The following RAB33A variants were observed in gnomAD, a reference collection of about 807,000 sequenced individuals.
The protein encoded by RAB33A is RAB33A, member RAS oncogene family, also known as ras-related protein Rab-33A.
In RAB33A, 6 loss-of-function variants were observed where a neutral mutation model predicts 12.0. The ratio of observed to expected loss-of-function variants is 0.50; its 90% CI spans 0.27 to 0.99. The LOEUF is 0.99. Ranked by LOEUF, RAB33A falls within the 50% of genes least tolerant of loss-of-function variation. RAB33A has a pLI of 0.11. For synonymous variants in RAB33A, 70 were observed against 82.4 expected (o/e 0.85, Z 0.81); for missense variants, 109 against 192.0 (o/e 0.57, Z 2.55).
At chrX:130,133,373 C>A in the RAB33A span, 273 of 1,209,022 alleles carry the variant, frequency 2.3e-4, no homozygotes, top group Non-Finnish European at 2.5e-4. Context: ...TCCAGCCAAT[C>A]TTCCACTCAC....
chrX:130,165,850 G>A, the RAB33A span: 1 of 480,662 alleles, frequency 2.1e-6, no homozygotes, highest in Non-Finnish European at 3.7e-6. Context: ...ACGGCGACCG[G>A]AGGCCTACTG....
At chrX:130,175,243 T>G (rs779564436) in intron 1 of RAB33A, among the ~76,000 whole-genome samples, 1 of 110,988 alleles carries the variant, frequency 9.0e-6, no homozygotes, top group East Asian at 2.8e-4. Flanking sequence ...ATCCTACCTT[T>G]CCTGTTACAG....
intron 1 of RAB33A, among the ~76,000 whole-genome samples, chrX:130,174,731 C>T (rs997075680): frequency 9.0e-6 from 1 of 111,454 alleles, no homozygotes; most frequent in Non-Finnish European, 1.9e-5. Context: ...CAGCTCTTCT[C>T]AGTCTAAGAG....
the RAB33A span, among the ~76,000 whole-genome samples, chrX:130,152,932 TAAGAGTAGTTTTTG>T: frequency 9.0e-6 from 1 of 111,517 alleles, no homozygotes; most frequent in Non-Finnish European, 1.9e-5. Flanking sequence ...TGATACCTAG[TAAGAGTAGTTTTTG>T]AAGCTTTGTT....
intron 1 of RAB33A, among the ~76,000 whole-genome samples, chrX:130,181,378 C>G (rs2031725750): frequency 2.7e-5 from 3 of 111,874 alleles, no homozygotes; most frequent in Admixed American, 1.9e-4. Flanking sequence ...GTTTTAAGAG[C>G]CATAGCAGTC....
chrX:130,165,607 A>G, the RAB33A span: 1 of 1,201,618 alleles, frequency 8.3e-7, no homozygotes, highest in African/African-American at 1.7e-5. Flanking sequence ...CACCAAGGGC[A>G]CCAGCTTCTG....
intron 1 of RAB33A, among the ~76,000 whole-genome samples, chrX:130,178,321 AAGAGAGAG>A (rs10560124): frequency 1.0e-5 from 1 of 99,308 alleles, no homozygotes; most frequent in Non-Finnish European, 2.0e-5. Flanking sequence ...TTGTCTGGAA[AAGAGAGAG>A]AGAGAGAGAG....
At chrX:130,156,075 TG>T in the RAB33A span, among the ~76,000 whole-genome samples, 2 of 111,823 alleles carry the variant, frequency 1.8e-5, no homozygotes, top group African/African-American at 6.5e-5. Flanking sequence ...GGAAATAAAA[TG>T]TCTGACAAAT....
At chrX:130,140,352 C>CA in the RAB33A span, among the ~76,000 whole-genome samples, 2 of 112,255 alleles carry the variant, frequency 1.8e-5, no homozygotes, top group Non-Finnish European at 3.8e-5. Flanking sequence ...AAGGATCATC[C>CA]AGAAGGGCTG....
At chrX:130,180,063 A>G (rs924501796) in intron 1 of RAB33A, among the ~76,000 whole-genome samples, 6 of 110,371 alleles carry the variant, frequency 5.4e-5, no homozygotes, top group Non-Finnish European at 1.1e-4. Flanking sequence ...GGATAGGGCA[A>G]TGAGGGGGCA....
chrX:130,120,301 TC>T, the RAB33A span, among the ~76,000 whole-genome samples: 3 of 111,078 alleles, frequency 2.7e-5, no homozygotes, highest in Non-Finnish European at 5.7e-5. Context: ...CACCTAACTG[TC>T]CCTCTAGATC....
chrX:130,120,518 G>A, the RAB33A span, among the ~76,000 whole-genome samples: 1 of 112,243 alleles, frequency 8.9e-6, no homozygotes, highest in South Asian at 3.6e-4. Context: ...TGCGGGTCAA[G>A]AGCGCCATCC....
the RAB33A span, among the ~76,000 whole-genome samples, chrX:130,130,380 G>A: frequency 3.6e-5 from 4 of 111,554 alleles, no homozygotes; most frequent in African/African-American, 1.3e-4. Flanking sequence ...GCCAGCTCCT[G>A]GGCACAGGGT....
intron 1 of RAB33A, among the ~76,000 whole-genome samples, chrX:130,175,492 C>CAT (rs2031655147): frequency 1.3e-5 from 1 of 75,586 alleles, no homozygotes; most frequent in Admixed American, 1.6e-4. Flanking sequence ...ACTGGGTTTA[C>CAT]TTTTTTTTTT....
At chrX:130,170,055 T>C (rs958014528), upstream of RAB33A, among the ~76,000 whole-genome samples, 1 of 112,402 alleles carries the variant, frequency 8.9e-6, no homozygotes, top group Non-Finnish European at 1.9e-5. Context: ...TGATTTTGGA[T>C]TAGCCAACTA....
At chrX:130,183,680 T>C (rs1285890622) in intron 1 of RAB33A, among the ~76,000 whole-genome samples, 3 of 111,995 alleles carry the variant, frequency 2.7e-5, no homozygotes, top group Non-Finnish European at 5.6e-5. Context: ...ATTTTTGAGG[T>C]TCTTGATAAT....
the RAB33A span, chrX:130,165,540 G>A: frequency 8.5e-7 from 1 of 1,178,762 alleles, no homozygotes; most frequent in East Asian, 3.1e-5. Context: ...TGCCTGGAAT[G>A]GGTCAGTCAC....
intron 1 of RAB33A, among the ~76,000 whole-genome samples, chrX:130,181,380 A>G (rs1247077628): frequency 2.7e-5 from 3 of 112,287 alleles, no homozygotes; most frequent in African/African-American, 9.7e-5. Context: ...TTTAAGAGCC[A>G]TAGCAGTCAA....
the RAB33A span, chrX:130,145,394 T>A: frequency 4.1e-6 from 3 of 724,377 alleles, no homozygotes; most frequent in African/African-American, 6.3e-5. Context: ...AGGACAGACA[T>A]AAATGGTAAT....
Sources: allele counts gnomAD v4.1 joint callset (sites outside exome capture counted in the v4.1 genomes callset), GRCh38; gene constraint gnomAD v4.1.1; transcripts MANE v1.5; gene names NCBI Gene and HGNC (gene_info 2026-07-23, HGNC 2026-07-21).